The following TACR1 variants were observed in gnomAD, a reference collection of about 807,000 sequenced individuals.
TACR1 encodes substance-P receptor.
A neutral mutation model predicts 35.8 loss-of-function variants in TACR1; 25 were observed. The ratio of observed to expected loss-of-function variants is 0.70; its 90% CI spans 0.51 to 0.98. The LOEUF (loss-of-function observed/expected upper bound fraction) is 0.98. Ranked by LOEUF, TACR1 falls within the 50% of genes least tolerant of loss-of-function variation. The pLI, the probability that TACR1 is intolerant of heterozygous loss-of-function variation, is 0.00. For missense variants in TACR1, 478 were observed against 522.9 expected (o/e 0.91, Z 0.84); for synonymous variants, 195 against 206.7 (o/e 0.94, Z 0.48).
intron 2 of TACR1, among the ~76,000 whole-genome samples, chr2:75,061,143 G>T (rs2103797058): frequency 6.6e-6 from 1 of 151,820 alleles, no homozygotes; most frequent in South Asian, 2.1e-4. Flanking sequence ...ATGGCCATGA[G>T]AAGAGAGGAG....
intron 1 of TACR1, among the ~76,000 whole-genome samples, chr2:75,121,445 C>T (rs1673969975): frequency 6.6e-6 from 1 of 152,216 alleles, no homozygotes; most frequent in Non-Finnish European, 1.5e-5. Context: ...GATGACACTT[C>T]ATTGCAGGAA....
chr2:75,095,593 G>A (rs530107104), intron 2 of TACR1, among the ~76,000 whole-genome samples: 1 of 152,298 alleles, frequency 6.6e-6, no homozygotes, highest in African/African-American at 2.4e-5. Flanking sequence ...GACTCATTCT[G>A]TCAAAGTAGG....
chr2:75,172,843 T>C (rs914593564), intron 1 of TACR1, among the ~76,000 whole-genome samples: 1 of 152,122 alleles, frequency 6.6e-6, no homozygotes, highest in Non-Finnish European at 1.5e-5. Context: ...GAAGGATTTA[T>C]TCAGATCTTT....
intron 1 of TACR1, among the ~76,000 whole-genome samples, chr2:75,138,254 C>T (rs552122916): frequency 6.6e-6 from 1 of 152,304 alleles, no homozygotes; most frequent in South Asian, 2.1e-4. Flanking sequence ...GGGAATGGCT[C>T]AGTCACAGAT....
At chr2:75,086,210 A>G (rs995864764) in intron 2 of TACR1, among the ~76,000 whole-genome samples, 2 of 152,178 alleles carry the variant, frequency 1.3e-5, no homozygotes, top group African/African-American at 2.4e-5. Flanking sequence ...GGAACTGGGA[A>G]TGTGTATCCT....
rs1400006876 is a variant in TACR1, at chr2:75,048,432, A to G, written c.*1000T>C. 1 of 152,240 alleles carries G rather than the reference A, an allele frequency of 6.6e-6. No homozygotes were observed. Among genetic ancestry groups the G allele is most frequent in the Middle Eastern group, 3.2e-3 (1 of 316 alleles). 9.4% of individuals were successfully genotyped at this position (152,240 alleles called of 1,614,324 possible). The stretch of plus-strand genomic sequence containing the variant: ...TCAAAAGCCAAAACCTTCCATGAGA[A>G]GGAATGTACTCAGGATTTTAAGATA... On this transcript the variant is annotated 3_prime_UTR_variant, in exon 5 of 5. Transcript: ENST00000305249.
At chr2:75,194,363 C>T (rs1214927685) in intron 1 of TACR1, among the ~76,000 whole-genome samples, 1 of 152,170 alleles carries the variant, frequency 6.6e-6, no homozygotes, top group African/African-American at 2.4e-5. Context: ...AGCATCACAG[C>T]AGTGCATGGT....
chr2:75,114,086 G>A (rs1673805671), intron 2 of TACR1, among the ~76,000 whole-genome samples: 1 of 152,016 alleles, frequency 6.6e-6, no homozygotes, highest in African/African-American at 2.4e-5. Flanking sequence ...TGTTACAGTT[G>A]GTACCTGTAG....
At chr2:75,083,853 A>G (rs1232831700) in intron 2 of TACR1, among the ~76,000 whole-genome samples, 4 of 152,188 alleles carry the variant, frequency 2.6e-5, no homozygotes, top group African/African-American at 9.7e-5. Context: ...TTCTAGATAT[A>G]CAATCATGTC....
intron 1 of TACR1, among the ~76,000 whole-genome samples, chr2:75,183,307 G>A (rs1344255409): frequency 1.3e-5 from 2 of 152,110 alleles, no homozygotes; most frequent in African/African-American, 4.8e-5. Flanking sequence ...TAGTTTATGG[G>A]AAGGGAGGGC....
intron 1 of TACR1, among the ~76,000 whole-genome samples, chr2:75,148,415 A>C (rs1674595550): frequency 6.6e-6 from 1 of 152,040 alleles, no homozygotes; most frequent in African/African-American, 2.4e-5. Flanking sequence ...CACCATCCTG[A>C]CTGACCTGAG....
intron 2 of TACR1, among the ~76,000 whole-genome samples, chr2:75,065,810 G>T (rs1192712859): frequency 6.6e-6 from 1 of 152,196 alleles, no homozygotes; most frequent in Non-Finnish European, 1.5e-5. Flanking sequence ...GTGGGTGTTG[G>T]TTGGTATTTT....
chr2:75,194,990 C>G lies in TACR1; in HGVS notation c.389+3556G>C, dbSNP rs541547364. The stretch of plus-strand genomic sequence containing the variant: ...TTCTGCTCCACAGTACTTGCCAGAG[C>G]ATCATAATAGAACCAGTAATTGTCA... On this transcript the variant is annotated intron_variant, in intron 1 of 4. Transcript: ENST00000305249. 3.5e-4 allele frequency among the ~76,000 whole-genome samples: 53 copies of G among 152,192 alleles called. No homozygotes were observed. In the South Asian group the frequency reaches 4.6e-3, roughly 13 times the overall value.
chr2:75,191,737 G>A (rs1040691439), intron 1 of TACR1, among the ~76,000 whole-genome samples: 1 of 152,256 alleles, frequency 6.6e-6, no homozygotes, highest in Non-Finnish European at 1.5e-5. Flanking sequence ...GCACAGCATC[G>A]TAAGTGTGCT....
intron 1 of TACR1, among the ~76,000 whole-genome samples, chr2:75,139,767 C>T (rs927163183): frequency 2.6e-5 from 4 of 152,256 alleles, no homozygotes; most frequent in Admixed American, 6.5e-5. Context: ...GAAATAAAAA[C>T]CCGACTTGTA....
chr2:75,140,279 G>A (rs533423871), intron 1 of TACR1, among the ~76,000 whole-genome samples: 198 of 152,238 alleles, frequency 1.3e-3, no homozygotes, highest in Admixed American at 2.4e-3. Flanking sequence ...AGAAAGGCAA[G>A]GGGCTAATGA....
At chr2:75,064,870 T>A (rs1232789476) in intron 2 of TACR1, among the ~76,000 whole-genome samples, 1 of 152,178 alleles carries the variant, frequency 6.6e-6, no homozygotes, top group African/African-American at 2.4e-5. Flanking sequence ...CCAGGGCTGG[T>A]GGCGACCACA....
intron 1 of TACR1, among the ~76,000 whole-genome samples, chr2:75,134,691 T>C (rs983673735): frequency 1.3e-4 from 20 of 152,342 alleles, no homozygotes; most frequent in Admixed American, 3.3e-4. Context: ...TGGCTATTTA[T>C]AATCTGTTTC....
At chr2:75,184,539 G>T (rs891561887) in intron 1 of TACR1, among the ~76,000 whole-genome samples, 5 of 151,482 alleles carry the variant, frequency 3.3e-5, no homozygotes, top group African/African-American at 4.8e-5. Flanking sequence ...AAAAAAACCA[G>T]AAAAATCATT....
Sources: gnomAD v4.1 joint callset for allele counts (sites outside exome capture counted in the v4.1 genomes callset) on GRCh38, gnomAD v4.1.1 for gene constraint, MANE v1.5 for transcripts, NCBI Gene and HGNC (gene_info 2026-07-23, HGNC 2026-07-21) for gene names.